KATNIP: variants seen among roughly 807,000 people sequenced by gnomAD.
KATNIP encodes the protein katanin-interacting protein.
Under a neutral mutation model 174.0 loss-of-function variants are expected in KATNIP, and 126 were observed. The ratio of observed to expected loss-of-function variants is 0.72; its 90% CI spans 0.63 to 0.84. KATNIP has a LOEUF of 0.84. KATNIP is among the 40% of genes least tolerant of loss of function. KATNIP has a pLI of 0.00. For synonymous variants in KATNIP, 810 were observed against 835.7 expected (o/e 0.97, Z 0.53); for missense variants, 1,958 against 2,109.7 (o/e 0.93, Z 1.41).
intron 2 of KATNIP, among the ~76,000 whole-genome samples, chr16:27,584,709 T>C (rs984565483): frequency 6.6e-6 from 1 of 151,792 alleles, no homozygotes; most frequent in Non-Finnish European, 1.5e-5. Flanking sequence ...GAGAATCGCA[T>C]GAACCCATGA....
intron 3 of KATNIP, among the ~76,000 whole-genome samples, chr16:27,621,726 ATGG>A (rs2076202578): frequency 1.3e-5 from 2 of 151,592 alleles, no homozygotes; most frequent in Middle Eastern, 6.8e-3. Flanking sequence ...GCTTGTATTC[ATGG>A]CTGAAGGCAA....
rs772900209 is a variant in KATNIP, at chr16:27,776,977, T to C, written c.4499T>C (p.Ile1500Thr). 12 of 1,614,066 alleles carry C rather than the reference T, an allele frequency of 7.4e-6. No individual in the cohort carries two copies. The highest frequency in any genetic ancestry group is 2.7e-5 in the African/African-American group (2 of 75,042). ...GATCTGCCTACCACCGTGTCAATGA[T>C]CAAACTGTGGAATTATGCGAAAACA... ...IFDLPTTVSM[I>T]KLWNYAKTPH... is the part of the protein sequence containing the mutation. Residue 1500 changes from isoleucine (I) to threonine (T), a missense_variant, in exon 25 of 28, where the codon ATC (isoleucine) becomes ACC (threonine). By Grantham distance (89) the Ile-to-Thr change is moderately conservative. Around this residue, in one of 3 missense-constraint regions of KATNIP, gnomAD observed 383 missense variants for 456.0 expected, o/e 0.84. Coordinates refer to ENST00000261588, the MANE Select transcript of KATNIP (RefSeq NM_015202.5). The surrounding 1 kb of genome is among the most constrained non-coding windows in gnomAD (Gnocchi z 4.7).
intron 8 of KATNIP, among the ~76,000 whole-genome samples, chr16:27,688,932 C>A (rs2078619020): frequency 2.6e-5 from 4 of 152,248 alleles, no homozygotes; most frequent in South Asian, 2.1e-4. Flanking sequence ...CTGGCATGGC[C>A]CAGGCTGAGC....
chr16:27,658,064 G>A (rs1190368365), intron 6 of KATNIP, among the ~76,000 whole-genome samples: 1 of 152,144 alleles, frequency 6.6e-6, no homozygotes, highest in Non-Finnish European at 1.5e-5. Flanking sequence ...AAATGGCATG[G>A]GAAATCTATA....
intron 6 of KATNIP, among the ~76,000 whole-genome samples, chr16:27,667,457 C>T (rs561687470): frequency 6.6e-6 from 1 of 152,196 alleles, no homozygotes; most frequent in South Asian, 2.1e-4. Context: ...TCATATAGTA[C>T]AAGAGAAGTT....
At chr16:27,618,344 C>T (rs140672524) in intron 2 of KATNIP, 81 bp from the exon 3 acceptor site, 35 of 1,109,152 alleles carry the variant, frequency 3.2e-5, no homozygotes, top group African/African-American at 7.7e-5. Flanking sequence ...CAGCCTGCTG[C>T]GCCGGTGTGT....
At chr16:27,689,131 G>C (rs985326459) in intron 8 of KATNIP, among the ~76,000 whole-genome samples, 2 of 152,206 alleles carry the variant, frequency 1.3e-5, no homozygotes, top group African/African-American at 4.8e-5. Context: ...GAACCACATA[G>C]GTGGCCAGGC....
At chr16:27,635,358 C>A (rs1241600148) in intron 5 of KATNIP, among the ~76,000 whole-genome samples, 1 of 152,070 alleles carries the variant, frequency 6.6e-6, no homozygotes, top group African/African-American at 2.4e-5. Flanking sequence ...GGCCTCTACC[C>A]CACAGAAAGG....
chr16:27,726,960 A>C (rs2080474977), intron 14 of KATNIP, among the ~76,000 whole-genome samples: 1 of 152,228 alleles, frequency 6.6e-6, no homozygotes, highest in Non-Finnish European at 1.5e-5. Context: ...AGACAGGCAG[A>C]ATATAGTATG....
intron 17 of KATNIP, among the ~76,000 whole-genome samples, chr16:27,752,717 G>T (rs951969099): frequency 6.7e-5 from 10 of 149,528 alleles, no homozygotes; most frequent in Admixed American, 6.7e-5. Context: ...TGCCTGGCTA[G>T]TTTTTTTTTT....
At position 27,778,466 on chromosome 16, in the gene KATNIP, G is replaced by C. The variant is rs1335678215; in HGVS notation, c.4802-108G>C. 5 of 1,119,148 alleles carry C rather than the reference G, an allele frequency of 4.5e-6. No individual in the cohort carries two copies. The Admixed American group carries it at 6.3e-5, about 14-fold the overall frequency. 69.3% of individuals were successfully genotyped at this position (1,119,148 alleles called of 1,614,324 possible). On this transcript the variant is annotated intron_variant, in intron 27 of 27. Coordinates refer to ENST00000261588, the MANE Select transcript of KATNIP (RefSeq NM_015202.5). Reference sequence around the variant, plus strand: ...GCCCCGAGAGCAGGGACTTTTCCAAGGGCCTTGAATGGCAACCCAGGCTGC... The same window carrying C: ...GCCCCGAGAGCAGGGACTTTTCCAACGGCCTTGAATGGCAACCCAGGCTGC...
At chr16:27,693,197 C>A (rs2078794853) in intron 8 of KATNIP, among the ~76,000 whole-genome samples, 1 of 152,184 alleles carries the variant, frequency 6.6e-6, no homozygotes, top group African/African-American at 2.4e-5. Flanking sequence ...CCCATGTTTG[C>A]TTTACTTTCT....
intron 6 of KATNIP, among the ~76,000 whole-genome samples, chr16:27,663,310 T>C (rs573580828): frequency 6.6e-6 from 1 of 151,942 alleles, no homozygotes; most frequent in Non-Finnish European, 1.5e-5. Flanking sequence ...TTAATTTTCA[T>C]ACTATTTTCT....
chr16:27,746,775 G>A (rs74843261), intron 15 of KATNIP, among the ~76,000 whole-genome samples: 1,699 of 152,236 alleles, frequency 0.011, 34 homozygotes, highest in African/African-American at 0.039. Flanking sequence ...GAGGGCCAGC[G>A]GGGCTGGAGC....
intron 2 of KATNIP, among the ~76,000 whole-genome samples, chr16:27,606,731 AC>A (rs2075718489): frequency 6.8e-6 from 1 of 148,126 alleles, no homozygotes; most frequent in Non-Finnish European, 1.5e-5. Flanking sequence ...GATTTTTCTA[AC>A]TTTTTTTTTT....
At chr16:27,552,724 T>C in intron 1 of KATNIP, among the ~76,000 whole-genome samples, 1 of 147,118 alleles carries the variant, frequency 6.8e-6, no homozygotes, top group East Asian at 2.0e-4. Context: ...ACGGGAGTTT[T>C]GCCGTCGTTG....
intron 2 of KATNIP, among the ~76,000 whole-genome samples, chr16:27,605,847 A>T (rs753553280): frequency 8.5e-5 from 13 of 152,206 alleles, no homozygotes; most frequent in Non-Finnish European, 1.9e-4. Context: ...AAGCAGGCTC[A>T]GGTCAGGTGC....
intron 15 of KATNIP, among the ~76,000 whole-genome samples, chr16:27,745,569 A>T (rs983227867): frequency 2.6e-5 from 4 of 152,238 alleles, no homozygotes; most frequent in Non-Finnish European, 5.9e-5. Flanking sequence ...GATTCACTGG[A>T]ATAAACATGG....
At chr16:27,749,438 C>A in intron 15 of KATNIP, 146 bp from the exon 16 acceptor site, 1 of 953,300 alleles carries the variant, frequency 1.0e-6, no homozygotes. Context: ...AGGAGACAGC[C>A]GGGAACAACC....
Sources: allele counts gnomAD v4.1 joint callset (sites outside exome capture counted in the v4.1 genomes callset), GRCh38; gene constraint gnomAD v4.1.1; regional missense constraint gnomAD v4.1.1; non-coding constraint Gnocchi (gnomAD v3.1); transcripts MANE v1.5; gene names NCBI Gene and HGNC (gene_info 2026-07-23, HGNC 2026-07-21).